MTMR8: variants seen among roughly 807,000 people sequenced by gnomAD.
MTMR8 encodes the protein phosphatidylinositol-3,5-bisphosphate 3-phosphatase MTMR8.
MTMR8 carries 65 observed loss-of-function variants against 39.3 expected under a neutral mutation model. The observed-to-expected ratio is 1.65, with a 90% CI of 1.35 to 2.03. The LOEUF is 2.03. MTMR8 is among the 30% of genes most tolerant of loss of function. MTMR8 has a pLI of 0.00. For missense variants in MTMR8, 777 were observed against 538.9 expected (o/e 1.44, Z -4.37); for synonymous variants, 245 against 185.2 (o/e 1.32, Z -2.62).
chrX:64,315,230 ATGGCAAGAGAGGGTTGCTCCT>A (rs1922432151), intron 12 of MTMR8, among the ~76,000 whole-genome samples: 1 of 111,873 alleles, frequency 8.9e-6, no homozygotes, highest in Non-Finnish European at 1.9e-5. Flanking sequence ...CCAGAGGCCC[ATGGCAAGAGAGGGTTGCTCCT>A]TGCCAGTTCA....
chrX:64,371,352 T>C (rs1924127254), intron 1 of MTMR8, among the ~76,000 whole-genome samples: 1 of 112,157 alleles, frequency 8.9e-6, no homozygotes, highest in African/African-American at 3.2e-5. Flanking sequence ...AATGCTAATT[T>C]TAAATGACAT....
At chrX:64,362,820 T>C (rs1023425711) in intron 1 of MTMR8, among the ~76,000 whole-genome samples, 16 of 103,316 alleles carry the variant, frequency 1.5e-4, no homozygotes, top group Non-Finnish European at 2.7e-4. Context: ...TAGGAGAACA[T>C]ATGTGCCACT....
rs151066495 is a variant in MTMR8, at chrX:64,377,660, G to A, written c.24+17680C>T. On this transcript the variant is annotated intron_variant, in intron 1 of 13. Transcript: ENST00000374852. ...TTACAGGCTCATAAGCACAAGGGAT[G>A]TGTCTTGTCTCAGATGAGACTTTGG... is the stretch of plus-strand genomic sequence containing the variant. Among the ~76,000 whole-genome samples, 3 of 112,282 alleles carry A rather than the reference G, an allele frequency of 2.7e-5. No homozygotes were observed. In the East Asian group the frequency reaches 8.4e-4, roughly 32 times the overall value.
At chrX:64,375,244 C>A (rs1370196179) in intron 1 of MTMR8, among the ~76,000 whole-genome samples, 1 of 108,812 alleles carries the variant, frequency 9.2e-6, no homozygotes, top group Non-Finnish European at 1.9e-5. Flanking sequence ...CCCCGCTACT[C>A]AGGAGACTGA....
chrX:64,378,826 T>A (rs1453501624), intron 1 of MTMR8, among the ~76,000 whole-genome samples: 1 of 111,358 alleles, frequency 9.0e-6, no homozygotes, highest in African/African-American at 3.3e-5. Context: ...AGGAAATCAA[T>A]AGAGAAAATC....
chrX:64,284,892 G>A (rs1339122183), intron 12 of MTMR8, among the ~76,000 whole-genome samples: 6 of 111,996 alleles, frequency 5.4e-5, no homozygotes, highest in Non-Finnish European at 7.5e-5. Flanking sequence ...AAAGACCATC[G>A]AAGCTAGGAA....
chrX:64,285,753 A>C lies in MTMR8; in HGVS notation c.1482-14680T>G, dbSNP rs749402646. ...GGGTACATAACGAAATGAAGGCAGA[A>C]ATGAAGATGTTCTTTGAAACCAACG... On this transcript the variant is annotated intron_variant, in intron 12 of 13. Coordinates refer to ENST00000374852, the MANE Select transcript of MTMR8 (RefSeq NM_017677.4). Among the ~76,000 whole-genome samples, 422 of 111,885 alleles carry C rather than the reference A, an allele frequency of 3.8e-3. 1 individual carries two copies. Among genetic ancestry groups the C allele is most frequent in the African/African-American group, 0.013 (403 of 30,791 alleles).
At chrX:64,333,961 T>A (rs2147222458) in intron 10 of MTMR8, among the ~76,000 whole-genome samples, 1 of 111,931 alleles carries the variant, frequency 8.9e-6, no homozygotes, top group East Asian at 2.8e-4. Context: ...TTCATGGACT[T>A]CATTCTTCAC....
chrX:64,294,425 C>G (rs1403177071), intron 12 of MTMR8, among the ~76,000 whole-genome samples: 1 of 111,228 alleles, frequency 9.0e-6, no homozygotes, highest in Non-Finnish European at 1.9e-5. Flanking sequence ...GATGCCTGCC[C>G]CATTATTTCC....
At chrX:64,281,673 G>A (rs1159706270) in intron 12 of MTMR8, among the ~76,000 whole-genome samples, 3 of 111,389 alleles carry the variant, frequency 2.7e-5, no homozygotes, top group African/African-American at 9.8e-5. Flanking sequence ...GCCAAAAGCA[G>A]TTGCAACAAA....
At chrX:64,345,769 T>C in intron 6 of MTMR8, among the ~76,000 whole-genome samples, 1 of 111,311 alleles carries the variant, frequency 9.0e-6, no homozygotes, top group East Asian at 2.8e-4. Flanking sequence ...CGTACCACCA[T>C]GCCTGGCTAA....
chrX:64,269,104 A>G, intron 13 of MTMR8, 61 bp from the exon 14 acceptor site: 1 of 1,105,033 alleles, frequency 9.0e-7, no homozygotes, highest in Non-Finnish European at 1.2e-6. Flanking sequence ...CTAGGCAAAC[A>G]TTACCTTGAT....
At chrX:64,284,767 C>A (rs986441784) in intron 12 of MTMR8, among the ~76,000 whole-genome samples, 4 of 111,307 alleles carry the variant, frequency 3.6e-5, no homozygotes, top group African/African-American at 9.8e-5. Context: ...TACAGACAAG[C>A]AAATGCTGAG....
intron 2 of MTMR8, among the ~76,000 whole-genome samples, chrX:64,358,393 T>C (rs1055504516): frequency 8.9e-6 from 1 of 112,146 alleles, no homozygotes; most frequent in Non-Finnish European, 1.9e-5. Flanking sequence ...ATGTGCATAC[T>C]CAATTCATTT....
intron 12 of MTMR8, among the ~76,000 whole-genome samples, chrX:64,274,376 A>C (rs1205040509): frequency 8.9e-6 from 1 of 112,517 alleles, no homozygotes; most frequent in Non-Finnish European, 1.9e-5. Context: ...TCAAAGAAGA[A>C]ATCAAAAGGG....
At chrX:64,354,655 A>G (rs746324658) in intron 4 of MTMR8, 122 bp downstream of exon 4, 33 of 714,182 alleles carry the variant, frequency 4.6e-5, no homozygotes, top group Non-Finnish European at 5.8e-5. Flanking sequence ...GAATGGCTGA[A>G]TGTTGAATGG....
intron 1 of MTMR8, among the ~76,000 whole-genome samples, chrX:64,383,585 G>A (rs965490135): frequency 4.5e-5 from 5 of 110,111 alleles, no homozygotes; most frequent in Non-Finnish European, 9.5e-5. Flanking sequence ...GGTGGAAGGT[G>A]AAGAGGGAGC....
intron 1 of MTMR8, among the ~76,000 whole-genome samples, chrX:64,374,056 C>T (rs1924196502): frequency 8.9e-6 from 1 of 111,741 alleles, no homozygotes; most frequent in African/African-American, 3.3e-5. Flanking sequence ...CTACTATGTA[C>T]CAGATTCTGT....
At chrX:64,329,257 C>G (rs1045413714) in intron 11 of MTMR8, among the ~76,000 whole-genome samples, 11 of 111,273 alleles carry the variant, frequency 9.9e-5, no homozygotes, top group African/African-American at 3.3e-4. Context: ...AGTTATCTTC[C>G]AAATCAAGGA....
Sources: allele counts gnomAD v4.1 joint callset (sites outside exome capture counted in the v4.1 genomes callset), GRCh38; gene constraint gnomAD v4.1.1; transcripts MANE v1.5; gene names NCBI Gene and HGNC (gene_info 2026-07-23, HGNC 2026-07-21).